The following MAGI1 variants were observed in gnomAD, a reference collection of about 807,000 sequenced individuals.
MAGI1 encodes the protein membrane-associated guanylate kinase, WW and PDZ domain-containing protein 1.
MAGI1 carries 58 observed loss-of-function variants against 139.9 expected under a neutral mutation model. The observed-to-expected ratio is 0.41, with a 90% confidence interval of 0.34 to 0.52. MAGI1 has a LOEUF of 0.52. Among genes scored for constraint, MAGI1 ranks in the 20% least tolerant of loss-of-function variants. The pLI is 0.12. For missense variants in MAGI1, 1,874 were observed against 1,901.6 expected (o/e 0.99, Z 0.27); for synonymous variants, 812 against 737.9 (o/e 1.10, Z -1.63).
intron 2 of MAGI1, among the ~76,000 whole-genome samples, chr3:65,582,306 G>A (rs574009981): frequency 4.6e-5 from 7 of 152,170 alleles, no homozygotes; most frequent in Non-Finnish European, 1.0e-4. Context: ...TTATGTTTCT[G>A]ATTCTACCCA....
At chr3:65,421,380 T>C (rs1010032710) in intron 12 of MAGI1, among the ~76,000 whole-genome samples, 1 of 152,160 alleles carries the variant, frequency 6.6e-6, no homozygotes, top group Non-Finnish European at 1.5e-5. Context: ...AGGCAGCACG[T>C]TGGATGTGAC....
intron 1 of MAGI1, among the ~76,000 whole-genome samples, chr3:65,686,713 T>G (rs1483058928): frequency 1.3e-5 from 2 of 152,244 alleles, no homozygotes; most frequent in African/African-American, 4.8e-5. Flanking sequence ...GACTTAGGAC[T>G]GTCTCAGTGG....
chr3:65,495,635 T>C (rs1952376187), intron 2 of MAGI1, among the ~76,000 whole-genome samples: 1 of 152,122 alleles, frequency 6.6e-6, no homozygotes, highest in Non-Finnish European at 1.5e-5. Flanking sequence ...ATATAGCATA[T>C]AATATCAGGA....
intron 2 of MAGI1, among the ~76,000 whole-genome samples, chr3:65,518,221 G>C (rs1267027375): frequency 6.6e-6 from 1 of 152,122 alleles, no homozygotes; most frequent in African/African-American, 2.4e-5. Context: ...AACTAAAGTA[G>C]ATCCCCTCTA....
At chr3:65,410,538 T>C (rs935776903) in intron 12 of MAGI1, among the ~76,000 whole-genome samples, 1 of 152,222 alleles carries the variant, frequency 6.6e-6, no homozygotes, top group Non-Finnish European at 1.5e-5. Flanking sequence ...CATTCATACA[T>C]ACCAAATGCA....
intron 1 of MAGI1, among the ~76,000 whole-genome samples, chr3:65,885,945 C>T (rs2060514719): frequency 6.6e-6 from 1 of 152,170 alleles, no homozygotes; most frequent in Admixed American, 6.5e-5. Flanking sequence ...TACACTCATA[C>T]TACATAATAC....
At chr3:65,948,090 T>A (rs1472985548) in intron 1 of MAGI1, among the ~76,000 whole-genome samples, 4 of 151,752 alleles carry the variant, frequency 2.6e-5, no homozygotes, top group Non-Finnish European at 5.9e-5. Context: ...TACAGGCACA[T>A]GCCACCACAC....
At chr3:65,894,444 C>T (rs1480663230) in intron 1 of MAGI1, among the ~76,000 whole-genome samples, 1 of 152,054 alleles carries the variant, frequency 6.6e-6, no homozygotes, top group Non-Finnish European at 1.5e-5. Context: ...TAAAGTGAAC[C>T]ATTCCACCAA....
chr3:65,506,050 C>T (rs2077273041), intron 2 of MAGI1, among the ~76,000 whole-genome samples: 2 of 152,112 alleles, frequency 1.3e-5, no homozygotes, highest in Non-Finnish European at 1.5e-5. Flanking sequence ...CATGTTATGT[C>T]GTTTTCCTAA....
At chr3:65,633,453 C>A (rs1030258639) in intron 1 of MAGI1, among the ~76,000 whole-genome samples, 2 of 152,320 alleles carry the variant, frequency 1.3e-5, no homozygotes, top group East Asian at 3.9e-4. Flanking sequence ...CAAGAAGCTA[C>A]TATTTACATT....
intron 2 of MAGI1, among the ~76,000 whole-genome samples, chr3:65,584,923 G>A (rs770020567): frequency 8.5e-5 from 13 of 152,186 alleles, no homozygotes; most frequent in East Asian, 1.9e-4. Flanking sequence ...ACAAGGACCC[G>A]CATTCAGGGA....
intron 1 of MAGI1, among the ~76,000 whole-genome samples, chr3:65,772,682 C>T (rs1232019510): frequency 2.0e-5 from 3 of 152,208 alleles, no homozygotes; most frequent in Non-Finnish European, 4.4e-5. Flanking sequence ...TAAGGATAAG[C>T]TTCATAAATC....
At chr3:65,916,717 T>C (rs776581154) in intron 1 of MAGI1, among the ~76,000 whole-genome samples, 3 of 152,178 alleles carry the variant, frequency 2.0e-5, no homozygotes, top group Admixed American at 6.5e-5. Flanking sequence ...AGATTACAGA[T>C]GTGAGCTACT....
chr3:65,851,433 G>C (rs1042621151), intron 1 of MAGI1, among the ~76,000 whole-genome samples: 1 of 152,064 alleles, frequency 6.6e-6, no homozygotes, highest in African/African-American at 2.4e-5. Context: ...TGGAGTGTAA[G>C]CTTGCAAACT....
intron 1 of MAGI1, among the ~76,000 whole-genome samples, chr3:66,020,416 C>T (rs990860014): frequency 9.2e-5 from 14 of 152,168 alleles, no homozygotes; most frequent in African/African-American, 2.9e-4. Context: ...GGTGACAGAG[C>T]GAGACTCTAT....
At chr3:65,834,538 A>G (rs577535653) in intron 1 of MAGI1, among the ~76,000 whole-genome samples, 1 of 152,366 alleles carries the variant, frequency 6.6e-6, no homozygotes, top group East Asian at 1.9e-4. Flanking sequence ...GTGCTTGAAA[A>G]TAATATCTAT....
intron 5 of MAGI1, among the ~76,000 whole-genome samples, chr3:65,463,537 C>T (rs2107547108): frequency 6.8e-6 from 1 of 147,720 alleles, no homozygotes; most frequent in East Asian, 2.0e-4. Flanking sequence ...CATCGATGTT[C>T]ATCAGGGATA....
intron 1 of MAGI1, among the ~76,000 whole-genome samples, chr3:65,823,979 A>C (rs1559917404): frequency 6.6e-6 from 1 of 152,162 alleles, no homozygotes; most frequent in Admixed American, 6.5e-5. Context: ...GAATTATTTA[A>C]ACTGTGCCTC....
chr3:65,723,256 G>C (rs1337178844), intron 1 of MAGI1, among the ~76,000 whole-genome samples: 2 of 152,164 alleles, frequency 1.3e-5, no homozygotes, highest in African/African-American at 4.8e-5. Flanking sequence ...GGAAGTGTGT[G>C]TGTTTATAAG....
Sources: gnomAD v4.1 joint callset for allele counts (sites outside exome capture counted in the v4.1 genomes callset) on GRCh38, gnomAD v4.1.1 for gene constraint, MANE v1.5 for transcripts, NCBI Gene and HGNC (gene_info 2026-07-23, HGNC 2026-07-21) for gene names.